The following TENM3 variants were observed in gnomAD, a reference collection of about 807,000 sequenced individuals.
TENM3 encodes teneurin-3.
Under a neutral mutation model 255.1 loss-of-function variants are expected in TENM3, and 63 were observed. The ratio of observed to expected loss-of-function variants is 0.25; its 90% CI spans 0.20 to 0.30. The LOEUF is 0.30. Among genes scored for constraint, TENM3 ranks in the 10% least tolerant of loss-of-function variants. The pLI, the probability that TENM3 is intolerant of heterozygous loss-of-function variation, is 1.00. For synonymous variants in TENM3, 1,306 were observed against 1,322.3 expected (o/e 0.99, Z 0.27); for missense variants, 2,929 against 3,461.1 (o/e 0.85, Z 3.86).
chr4:182,039,761 T>C, the TENM3 span, among the ~76,000 whole-genome samples: 1 of 151,796 alleles, frequency 6.6e-6, no homozygotes, highest in African/African-American at 2.4e-5. Flanking sequence ...TTAGAGCCAC[T>C]TTCCTGTCCC....
At position 182,217,009 on chromosome 4, in the gene TENM3, C is replaced by CTTTTTTTTTTTTT. The variant is rs3071526; in HGVS notation, c.-76+72274_-76+72286dup. Among the ~76,000 whole-genome samples the CTTTTTTTTTTTTT allele has an allele frequency of 1.3e-3, 85 of 67,534 alleles. 3 individuals are homozygous for CTTTTTTTTTTTTT. The highest frequency in any genetic ancestry group is 2.4e-3 in the East Asian group (4 of 1,664). 44.3% of individuals were successfully genotyped at this position (67,534 alleles called of 152,430 possible). A position where few individuals can be genotyped will look rare whatever the true frequency, so the allele number is the denominator to read the frequency against. ...TCTAAATTTCACCATCATTTTCTTT[C>CTTTTTTTTTTTTT]TTTTTTTTTTTTTTTTTTTTTTTTT... On this transcript the variant is annotated intron_variant, in intron 1 of 2. Transcript: ENST00000512480.
chr4:182,765,579 G>C (rs1763643434), intron 22 of TENM3, among the ~76,000 whole-genome samples: 1 of 152,010 alleles, frequency 6.6e-6, no homozygotes, highest in African/African-American at 2.4e-5. Flanking sequence ...TAACATCTTA[G>C]TCTCCATATT....
At chr4:182,637,345 G>A (rs955467668) in intron 5 of TENM3, among the ~76,000 whole-genome samples, 1 of 152,040 alleles carries the variant, frequency 6.6e-6, no homozygotes, top group African/African-American at 2.4e-5. Flanking sequence ...TGCTCACATT[G>A]TCCCTTTTCC....
chr4:182,236,972 T>A (rs530769410), intron 1 of TENM3, among the ~76,000 whole-genome samples: 1 of 152,230 alleles, frequency 6.6e-6, no homozygotes, highest in Non-Finnish European at 1.5e-5. Context: ...ATACATTAGC[T>A]ATTTTTCCTG....
the TENM3 span, among the ~76,000 whole-genome samples, chr4:181,654,195 C>G: frequency 1.4e-5 from 2 of 148,022 alleles, no homozygotes; most frequent in Admixed American, 6.8e-5. Flanking sequence ...CAATTCTATG[C>G]GATAAACCTT....
the TENM3 span, among the ~76,000 whole-genome samples, chr4:181,912,310 C>G: frequency 6.6e-6 from 1 of 152,224 alleles, no homozygotes; most frequent in Non-Finnish European, 1.5e-5. Flanking sequence ...ATGCTGCCCT[C>G]ATGATGCTTA....
intron 11 of TENM3, among the ~76,000 whole-genome samples, chr4:182,684,660 G>A (rs1047493506): frequency 6.6e-6 from 1 of 152,216 alleles, no homozygotes; most frequent in Non-Finnish European, 1.5e-5. Context: ...ATTAATAGAC[G>A]TAGTAGAGGG....
chr4:182,553,497 T>G (rs1169658755), intron 3 of TENM3, among the ~76,000 whole-genome samples: 2 of 151,840 alleles, frequency 1.3e-5, no homozygotes, highest in East Asian at 1.9e-4. Context: ...ATCTGCACGT[T>G]GTGCACATGT....
chr4:182,509,067 T>G (rs1737116351), intron 3 of TENM3, among the ~76,000 whole-genome samples: 2 of 152,372 alleles, frequency 1.3e-5, no homozygotes, highest in South Asian at 4.1e-4. Flanking sequence ...CCGTTATTTT[T>G]AACATATTCA....
chr4:182,472,683 G>T (rs1350302395), intron 3 of TENM3, among the ~76,000 whole-genome samples: 1 of 152,062 alleles, frequency 6.6e-6, no homozygotes, highest in Admixed American at 6.6e-5. Flanking sequence ...TTAATTTCCA[G>T]TGTATGACAA....
the TENM3 span, among the ~76,000 whole-genome samples, chr4:181,474,421 T>C: frequency 1.3e-5 from 2 of 152,218 alleles, no homozygotes; most frequent in East Asian, 1.9e-4. Flanking sequence ...ATGGGAAATT[T>C]TGGCTAGACT....
the TENM3 span, among the ~76,000 whole-genome samples, chr4:181,904,913 G>A: frequency 2.6e-5 from 4 of 152,172 alleles, no homozygotes; most frequent in Middle Eastern, 6.8e-3. Context: ...TGGGTCTCAC[G>A]AACTCTGATA....
At chr4:181,558,338 G>A in the TENM3 span, among the ~76,000 whole-genome samples, 2 of 152,180 alleles carry the variant, frequency 1.3e-5, no homozygotes, top group Non-Finnish European at 2.9e-5. Context: ...CCACAACTGA[G>A]TTCAACAATA....
At chr4:181,569,430 A>T in the TENM3 span, among the ~76,000 whole-genome samples, 2 of 152,318 alleles carry the variant, frequency 1.3e-5, no homozygotes, top group African/African-American at 4.8e-5. Context: ...TTTTATTTCC[A>T]TAAGTGGATA....
intron 3 of TENM3, among the ~76,000 whole-genome samples, chr4:182,592,474 A>T (rs940875978): frequency 6.6e-6 from 1 of 152,254 alleles, no homozygotes; most frequent in Admixed American, 6.5e-5. Context: ...CTGTAATCCT[A>T]GCGCTTTGGG....
At chr4:182,247,276 A>G (rs928039574) in intron 1 of TENM3, among the ~76,000 whole-genome samples, 5 of 152,198 alleles carry the variant, frequency 3.3e-5, no homozygotes, top group Non-Finnish European at 7.3e-5. Context: ...AACCCTATGA[A>G]GAGCGCAGTC....
intron 1 of TENM3, among the ~76,000 whole-genome samples, chr4:182,200,618 G>A (rs895013105): frequency 6.6e-6 from 1 of 152,136 alleles, no homozygotes; most frequent in African/African-American, 2.4e-5. Context: ...TCTGTGCTTA[G>A]CCTATAAGAA....
chr4:182,262,643 C>T (rs1200446590), intron 1 of TENM3, among the ~76,000 whole-genome samples: 3 of 151,994 alleles, frequency 2.0e-5, no homozygotes, highest in African/African-American at 2.4e-5. Context: ...AAGAAATAAC[C>T]ATTAAAATGG....
chr4:181,787,295 G>T, the TENM3 span, among the ~76,000 whole-genome samples: 1 of 151,522 alleles, frequency 6.6e-6, no homozygotes, highest in African/African-American at 2.4e-5. Flanking sequence ...TGCCAGGCAA[G>T]GGCTGAGTTT....
Sources: gnomAD v4.1 joint callset for allele counts (sites outside exome capture counted in the v4.1 genomes callset) on GRCh38, gnomAD v4.1.1 for gene constraint, MANE v1.5 for transcripts, NCBI Gene and HGNC (gene_info 2026-07-23, HGNC 2026-07-21) for gene names.